Variants in PTCHD4 observed in about 807,000 individuals in gnomAD.
PTCHD4 encodes patched domain-containing protein 4.
PTCHD4 carries 33 observed loss-of-function variants against 58.1 expected under a neutral mutation model. The observed-to-expected ratio is 0.57, with a 90% CI of 0.43 to 0.76. PTCHD4 has a LOEUF of 0.76. PTCHD4 is among the 30% of genes least tolerant of loss of function. PTCHD4 has a pLI of 0.00. For synonymous variants in PTCHD4, 478 were observed against 409.6 expected, an observed-to-expected ratio of 1.17 and a Z score of -2.02; for missense variants, 1,058 against 1,027.1, an observed-to-expected ratio of 1.03 and a Z score of -0.41.
intron 3 of PTCHD4, among the ~76,000 whole-genome samples, chr6:48,049,389 C>A (rs1395523142): frequency 6.6e-6 from 1 of 151,894 alleles, no homozygotes; most frequent in Non-Finnish European, 1.5e-5. Flanking sequence ...TTGGGCTGTT[C>A]CAAGGTGGCT....
chr6:48,077,309 C>A (rs1765079349), intron 1 of PTCHD4, among the ~76,000 whole-genome samples: 1 of 152,230 alleles, frequency 6.6e-6, no homozygotes, highest in Non-Finnish European at 1.5e-5. Flanking sequence ...TCCTTTGAAG[C>A]AGGACATTGA....
chr6:47,958,204 T>C (rs767075958), intron 4 of PTCHD4, among the ~76,000 whole-genome samples: 28 of 152,150 alleles, frequency 1.8e-4, no homozygotes, highest in African/African-American at 1.4e-4. Context: ...TCAGCATAGA[T>C]TAGATTATAT....
chr6:47,885,472 G>T (rs1764162508), intron 4 of PTCHD4, among the ~76,000 whole-genome samples: 1 of 152,024 alleles, frequency 6.6e-6, no homozygotes, highest in African/African-American at 2.4e-5. Flanking sequence ...AGATCATGAA[G>T]GTTCTTCATG....
rs1767869049 is a variant in PTCHD4, at chr6:47,981,123, T to C, written c.898+27511A>G. Among the ~76,000 whole-genome samples the C allele has an allele frequency of 1.3e-5, 2 of 152,184 alleles. 1 individual carries two copies. The highest frequency in any genetic ancestry group is 4.1e-4 in the South Asian group (2 of 4,830). ...GAACAACAACTTGGGTAATGATGAA[T>C]ATTTTATGCCTATTCCATATTTCTA... is the stretch of plus-strand genomic sequence containing the variant. On this transcript the variant is annotated intron_variant, in intron 4 of 4. Transcript: ENST00000339488.
intron 4 of PTCHD4, among the ~76,000 whole-genome samples, chr6:47,995,770 G>A (rs1768463134): frequency 6.6e-6 from 1 of 152,142 alleles, no homozygotes; most frequent in African/African-American, 2.4e-5. Context: ...AAGTTAAGGT[G>A]TTAAGTAAAA....
intron 4 of PTCHD4, among the ~76,000 whole-genome samples, chr6:47,944,425 G>A (rs1415860922): frequency 6.6e-6 from 1 of 151,978 alleles, no homozygotes; most frequent in Non-Finnish European, 1.5e-5. Flanking sequence ...TGTAAAAATT[G>A]CCCTTAAAGA....
rs1433830995 is a variant in PTCHD4 at position 47,866,964 on chromosome 6, A to G, written c.*11339T>C. On this transcript the variant is annotated 3_prime_UTR_variant, in exon 5 of 5. Coordinates refer to ENST00000339488, the MANE Select transcript of PTCHD4 (RefSeq NM_001384253.1). ...TTATTTTTCATCACATATAATTTAC[A>G]TTTGGACTTCTCTGTACATGCACCT... Among the ~76,000 whole-genome samples, 5 of 151,840 alleles carry G rather than the reference A, an allele frequency of 3.3e-5. No individual in the cohort carries two copies. Among genetic ancestry groups the G allele is most frequent in the Admixed American group, 6.6e-5 (1 of 15,204 alleles).
chr6:47,953,789 T>C (rs2113952533), intron 4 of PTCHD4, among the ~76,000 whole-genome samples: 1 of 152,280 alleles, frequency 6.6e-6, no homozygotes, highest in South Asian at 2.1e-4. Context: ...TAAAACACTA[T>C]CTGTTCTAAG....
At chr6:47,917,816 G>GA (rs1013442159) in intron 4 of PTCHD4, among the ~76,000 whole-genome samples, 14 of 151,138 alleles carry the variant, frequency 9.3e-5, no homozygotes, top group Non-Finnish European at 1.5e-4. Flanking sequence ...GACCCTCACA[G>GA]AAAAAAAAAT....
At chr6:47,932,109 C>T (rs73736808) in intron 4 of PTCHD4, among the ~76,000 whole-genome samples, 1,611 of 152,302 alleles carry the variant, frequency 0.011, 36 homozygotes, top group African/African-American at 0.037. Flanking sequence ...TCCTGCTTAG[C>T]TTGCATTCTC....
Position 47,879,467 on chromosome 6 carries a change from G to C in PTCHD4, c.1368C>G (p.Thr456=). The change falls in exon 5 of 5, where the codon ACC becomes ACG. Residue 456 remains threonine, a synonymous_variant. Transcript: ENST00000339488. ...CAACAAATGGCTTCACATATATATT[G>C]GTAATCCATTCATTATAATGTTCAC... ...FLREHYNEWI[T]NIYVKPFVVI... 6.2e-7 allele frequency: 1 copy of C among 1,613,540 alleles called. No individual in the cohort carries two copies.
At chr6:48,038,318 G>A (rs2814482) in intron 3 of PTCHD4, among the ~76,000 whole-genome samples, 88,586 of 151,762 alleles carry the variant, frequency 0.58, 26,012 homozygotes, top group East Asian at 0.73. Flanking sequence ...ATGGGCAAAT[G>A]TAATTTGGGT....
intron 4 of PTCHD4, among the ~76,000 whole-genome samples, chr6:47,889,662 C>T (rs9369750): frequency 0.74 from 111,013 of 150,298 alleles, 41,245 homozygotes; most frequent in East Asian, 0.84. Context: ...TGTAGAAAGC[C>T]GAAACTGGAT....
chr6:48,107,708 A>C (rs540509089), intron 1 of PTCHD4, among the ~76,000 whole-genome samples: 1 of 152,324 alleles, frequency 6.6e-6, no homozygotes, highest in African/African-American at 2.4e-5. Context: ...TCATCTGACA[A>C]AGGGCTAATA....
At position 47,911,339 on chromosome 6, in the gene PTCHD4, G is replaced by C. The variant is rs576294418; in HGVS notation, c.899-31403C>G. ...TGTAAACCTACCACTCCCCACCCAA[G>C]GGCAGCTCTTGGGCTCTGGTGACAC... is the stretch of plus-strand genomic sequence containing the variant. On this transcript the variant is annotated intron_variant, in intron 4 of 4. Transcript: ENST00000339488. 7.2e-5 allele frequency among the ~76,000 whole-genome samples: 11 copies of C among 152,158 alleles called. No individual in the cohort carries two copies. The East Asian group carries it at 2.1e-3, about 29-fold the overall frequency.
intron 3 of PTCHD4, among the ~76,000 whole-genome samples, chr6:48,043,652 T>G (rs1763926799): frequency 6.6e-6 from 1 of 151,938 alleles, no homozygotes; most frequent in African/African-American, 2.4e-5. Context: ...TTCAAATGCC[T>G]GTGCTTGCTG....
chr6:47,860,475 C>T lies in PTCHD4; in HGVS notation c.*17828G>A. 6.6e-6 allele frequency among the ~76,000 whole-genome samples: 1 copy of T among 151,986 alleles called. No homozygotes were observed. The highest frequency in any genetic ancestry group is 1.9e-4 in the East Asian group (1 of 5,158). ...TCTGATTTTGTTTAGTAATCTACAT[C>T]ATTGCTTATCCCAACTTAGAGCTTA... is the stretch of plus-strand genomic sequence containing the variant. On this transcript the variant is annotated 3_prime_UTR_variant, in exon 5 of 5. Transcript: ENST00000339488.
intron 4 of PTCHD4, among the ~76,000 whole-genome samples, chr6:47,928,792 G>GGGACTA (rs142930110): frequency 0.021 from 3,236 of 152,210 alleles, 119 homozygotes; most frequent in African/African-American, 0.071. Context: ...TCTTTGTCCT[G>GGGACTA]AGTTAGTACT....
chr6:47,898,279 T>C (rs756267065), intron 4 of PTCHD4, among the ~76,000 whole-genome samples: 1 of 152,218 alleles, frequency 6.6e-6, no homozygotes, highest in Non-Finnish European at 1.5e-5. Context: ...TTCTATATTC[T>C]AAAAACTGCA....
Sources: gnomAD v4.1 joint callset for allele counts (sites outside exome capture counted in the v4.1 genomes callset) on GRCh38, gnomAD v4.1.1 for gene constraint, MANE v1.5 for transcripts, NCBI Gene and HGNC (gene_info 2026-07-23, HGNC 2026-07-21) for gene names.